The following SCMH1 variants were observed in gnomAD, a reference collection of about 807,000 sequenced individuals.
SCMH1 encodes polycomb protein SCMH1.
Under a neutral mutation model 70.8 loss-of-function variants are expected in SCMH1, and 37 were observed. The ratio of observed to expected loss-of-function variants is 0.52; its 90% CI spans 0.40 to 0.69. The LOEUF (loss-of-function observed/expected upper bound fraction) is 0.69, where lower values mean the gene tolerates loss of function less well. Among genes scored for constraint, SCMH1 ranks in the 30% least tolerant of loss-of-function variants. The pLI is 0.00. For missense variants in SCMH1, 607 were observed against 827.3 expected (o/e 0.73, Z 3.27); for synonymous variants, 292 against 307.4 (o/e 0.95, Z 0.52).
intron 1 of SCMH1, among the ~76,000 whole-genome samples, chr1:41,195,565 C>A (rs946199086): frequency 1.7e-4 from 26 of 151,978 alleles, no homozygotes; most frequent in African/African-American, 5.8e-4. Context: ...GGAACTTCTT[C>A]AACATAATAA....
At chr1:41,146,377 T>A (rs929400355) in intron 5 of SCMH1, among the ~76,000 whole-genome samples, 1 of 152,170 alleles carries the variant, frequency 6.6e-6, no homozygotes, top group African/African-American at 2.4e-5. Context: ...GAAAAATTTT[T>A]AAATAAATTT....
At chr1:41,232,653 A>T (rs1661532395) in intron 1 of SCMH1, among the ~76,000 whole-genome samples, 1 of 152,216 alleles carries the variant, frequency 6.6e-6, no homozygotes, top group Non-Finnish European at 1.5e-5. Flanking sequence ...TTTATGTATA[A>T]AATAGAGGTG....
At chr1:41,213,894 A>T (rs1032728) in intron 1 of SCMH1, among the ~76,000 whole-genome samples, 16,425 of 96,186 alleles carry the variant, frequency 0.17, 1,256 homozygotes, top group Admixed American at 0.35. Context: ...ATTTTTTTTT[A>T]AAAAAAACCT....
chr1:41,133,855 C>A (rs967746154), intron 6 of SCMH1, among the ~76,000 whole-genome samples: 1 of 152,150 alleles, frequency 6.6e-6, no homozygotes, highest in Non-Finnish European at 1.5e-5. Flanking sequence ...ACCAGAGGTA[C>A]AAAGAGGAGC....
intron 1 of SCMH1, among the ~76,000 whole-genome samples, chr1:41,237,854 T>A (rs1177381544): frequency 6.6e-6 from 1 of 152,212 alleles, no homozygotes; most frequent in Non-Finnish European, 1.5e-5. Flanking sequence ...CTCACTATGT[T>A]CTATTTTATA....
chr1:41,207,485 A>G (rs1412718746), intron 1 of SCMH1, among the ~76,000 whole-genome samples: 3 of 152,236 alleles, frequency 2.0e-5, no homozygotes, highest in African/African-American at 7.2e-5. Context: ...CAACAAGAAG[A>G]GCTAACTATC....
At chr1:41,208,826 G>A (rs12145960) in intron 1 of SCMH1, among the ~76,000 whole-genome samples, 54,113 of 151,888 alleles carry the variant, frequency 0.36, 10,993 homozygotes, top group Admixed American at 0.5. Flanking sequence ...GAACTAGAGA[G>A]GCAAGAGCAA....
chr1:41,160,504 A>AT (rs200593355), intron 4 of SCMH1, among the ~76,000 whole-genome samples: 13 of 152,228 alleles, frequency 8.5e-5, no homozygotes, highest in African/African-American at 3.1e-4. Context: ...CTTACAAGTA[A>AT]TTTTTTTGGG....
chr1:41,135,091 A>G (rs1452615882), intron 6 of SCMH1, among the ~76,000 whole-genome samples: 2 of 152,104 alleles, frequency 1.3e-5, no homozygotes, highest in Non-Finnish European at 2.9e-5. Context: ...AATTCCTTTT[A>G]TTTAGGATTT....
intron 2 of SCMH1, among the ~76,000 whole-genome samples, chr1:41,164,558 C>T (rs1168146110): frequency 6.6e-6 from 1 of 152,108 alleles, no homozygotes; most frequent in African/African-American, 2.4e-5. Context: ...AGTATAGTAA[C>T]AGGCGCTCAT....
intron 8 of SCMH1, among the ~76,000 whole-genome samples, chr1:41,089,055 G>A (rs1316023913): frequency 6.6e-6 from 1 of 152,178 alleles, no homozygotes; most frequent in African/African-American, 2.4e-5. Context: ...TGCTTTAGTA[G>A]GTCTGGGAAT....
chr1:41,171,309 C>A (rs1646767491), intron 2 of SCMH1, among the ~76,000 whole-genome samples: 1 of 152,180 alleles, frequency 6.6e-6, no homozygotes, highest in Non-Finnish European at 1.5e-5. Context: ...GCCTTCCCTG[C>A]ATGCAATTCT....
At chr1:41,131,818 T>G (rs1163930962) in intron 6 of SCMH1, among the ~76,000 whole-genome samples, 3 of 152,192 alleles carry the variant, frequency 2.0e-5, no homozygotes, top group African/African-American at 4.8e-5. Context: ...TCTGTCCTTG[T>G]GATAGTTTGC....
At chr1:41,073,618 T>TCATCCATCCATCCATC (rs3831833) in intron 9 of SCMH1, among the ~76,000 whole-genome samples, 21 of 148,752 alleles carry the variant, frequency 1.4e-4, no homozygotes, top group African/African-American at 4.7e-4. Context: ...ATCACTAAAA[T>TCATCCATCCATCCATC]CATCCATCCA....
At chr1:41,177,361 C>A (rs1178810299) in intron 2 of SCMH1, among the ~76,000 whole-genome samples, 1 of 152,178 alleles carries the variant, frequency 6.6e-6, no homozygotes, top group African/African-American at 2.4e-5. Context: ...ACACAGCTCC[C>A]CACCAGCAAT....
chr1:41,075,461 A>C lies in SCMH1; in HGVS notation c.746-10T>G. ...TTCTTTGGAATCACAACTGCAAGAA[A>C]AAGACTCATTCTATCACCCTCCCTC... On this transcript the variant is annotated splice_polypyrimidine_tract_variant and intron_variant, in intron 8 of 14. Transcript: ENST00000337495. 1 of 1,608,926 alleles carries C rather than the reference A, an allele frequency of 6.2e-7. No individual in the cohort carries two copies. Among genetic ancestry groups the C allele is most frequent in the Non-Finnish European group, 8.5e-7 (1 of 1,175,446 alleles).
intron 6 of SCMH1, among the ~76,000 whole-genome samples, chr1:41,130,184 T>C (rs1461088208): frequency 6.6e-6 from 1 of 152,212 alleles, no homozygotes; most frequent in Non-Finnish European, 1.5e-5. Context: ...GGTTTTTTGT[T>C]GTTGAGGTTT....
intron 1 of SCMH1, among the ~76,000 whole-genome samples, chr1:41,216,927 T>A (rs1287154639): frequency 6.6e-6 from 1 of 152,202 alleles, no homozygotes; most frequent in African/African-American, 2.4e-5. Flanking sequence ...TCATGCTCTC[T>A]CTGAAGATCC....
chr1:41,121,541 T>G (rs1366032270), intron 6 of SCMH1, among the ~76,000 whole-genome samples: 7 of 152,078 alleles, frequency 4.6e-5, no homozygotes, highest in Admixed American at 4.6e-4. Flanking sequence ...AAAGGACAGG[T>G]GGGTAAGAGG....
Sources: gnomAD v4.1 joint callset for allele counts (sites outside exome capture counted in the v4.1 genomes callset) on GRCh38, gnomAD v4.1.1 for gene constraint, MANE v1.5 for transcripts, NCBI Gene and HGNC (gene_info 2026-07-23, HGNC 2026-07-21) for gene names.